The following STK32C variants were observed in gnomAD, a reference collection of about 807,000 sequenced individuals.
The protein encoded by STK32C is serine/threonine kinase 32C, also known as serine/threonine-protein kinase 32C.
Under a neutral mutation model 56.5 loss-of-function variants are expected in STK32C, and 31 were observed. The ratio of observed to expected loss-of-function variants is 0.55; its 90% CI spans 0.41 to 0.74. The LOEUF (loss-of-function observed/expected upper bound fraction) is 0.74, where lower values mean the gene tolerates loss of function less well. STK32C is among the 30% of genes least tolerant of loss of function. The probability of loss-of-function intolerance (pLI) is 0.00; values close to 1 mark genes in which losing one functional copy is unlikely to be tolerated. For synonymous variants in STK32C, 309 were observed against 289.4 expected, an observed-to-expected ratio of 1.07 and a Z score of -0.69; for missense variants, 544 against 676.9, an observed-to-expected ratio of 0.80 and a Z score of 2.18.
rs544693422 is a variant in STK32C at position 132,285,987 on chromosome 10, T to G, written c.262+21585A>C. Among the ~76,000 whole-genome samples the G allele has an allele frequency of 1.1e-3, 160 of 152,020 alleles. 7 individuals carry two copies. In the South Asian group the frequency reaches 0.032, roughly 31 times the overall value. ...AAAAAGCACAAAAAATCAGCCAGGC[T>G]TGGTGGCGGGCGCCTGTCATCCCAG... On this transcript the variant is annotated intron_variant, in intron 1 of 11. Coordinates refer to ENST00000298630, the MANE Select transcript of STK32C (RefSeq NM_173575.4).
rs1048381184 is a variant in STK32C, at chr10:132,278,528, G to A, written c.262+29044C>T. ...TGTAATCCCAGCACTTTGAGAGGCT[G>A]AGGCGGGTGGATCACGAAGTCAGGA... On this transcript the variant is annotated intron_variant, in intron 1 of 11. Coordinates refer to ENST00000298630, the MANE Select transcript of STK32C (RefSeq NM_173575.4). Among the ~76,000 whole-genome samples, 224 of 152,194 alleles carry A rather than the reference G, an allele frequency of 1.5e-3. 5 individuals carry two copies. Among genetic ancestry groups the A allele is most frequent in the Admixed American group, 6.5e-4 (10 of 15,284 alleles).
chr10:132,294,997 C>T (rs370718538), intron 1 of STK32C, among the ~76,000 whole-genome samples: 59 of 152,290 alleles, frequency 3.9e-4, no homozygotes, highest in African/African-American at 1.4e-3. Flanking sequence ...CAGATGTCAG[C>T]GGCCTCTGCC....
intron 1 of STK32C, among the ~76,000 whole-genome samples, chr10:132,260,220 G>GGCCTCA (rs1393199409): frequency 1.3e-5 from 2 of 152,196 alleles, no homozygotes; most frequent in African/African-American, 4.8e-5. Flanking sequence ...GGACAGCAAT[G>GGCCTCA]GCCTCAGCCT....
At chr10:132,263,407 A>G (rs573050414) in intron 1 of STK32C, among the ~76,000 whole-genome samples, 2 of 152,254 alleles carry the variant, frequency 1.3e-5, no homozygotes, top group Admixed American at 1.3e-4. Context: ...CGTGGACATA[A>G]AGACAGGAAC....
At chr10:132,277,585 C>T (rs1442651086) in intron 1 of STK32C, among the ~76,000 whole-genome samples, 2 of 152,204 alleles carry the variant, frequency 1.3e-5, no homozygotes, top group African/African-American at 2.4e-5. Flanking sequence ...TGCAGGGAAT[C>T]GGCAAGGAGT....
At chr10:132,293,934 C>G (rs151011957) in intron 1 of STK32C, among the ~76,000 whole-genome samples, 1 of 152,114 alleles carries the variant, frequency 6.6e-6, no homozygotes, top group Non-Finnish European at 1.5e-5. Flanking sequence ...GTCACAGGCA[C>G]GAGGGAAGGG....
chr10:132,277,772 C>T (rs1469925397), intron 1 of STK32C, among the ~76,000 whole-genome samples: 1 of 152,188 alleles, frequency 6.6e-6, no homozygotes, highest in Non-Finnish European at 1.5e-5. Flanking sequence ...TGCACACACA[C>T]ATGCACACAT....
chr10:132,291,833 C>T (rs968426222), intron 1 of STK32C, among the ~76,000 whole-genome samples: 10 of 151,678 alleles, frequency 6.6e-5, no homozygotes, highest in South Asian at 2.1e-4. Flanking sequence ...GACCACATGG[C>T]CTCCATGTCC....
intron 1 of STK32C, among the ~76,000 whole-genome samples, chr10:132,325,565 G>C (rs1344033486): frequency 2.1e-5 from 3 of 145,856 alleles, no homozygotes; most frequent in East Asian, 4.3e-4. Flanking sequence ...AAAAAAAAAA[G>C]GGGGAGTTCC....
intron 2 of STK32C, among the ~76,000 whole-genome samples, chr10:132,239,176 T>C (rs937700183): frequency 6.6e-6 from 1 of 152,190 alleles, no homozygotes; most frequent in African/African-American, 2.4e-5. Context: ...GGGTATTTTA[T>C]AGATGGTGTG....
chr10:132,236,930 T>A (rs965103652), intron 2 of STK32C, among the ~76,000 whole-genome samples: 9 of 152,186 alleles, frequency 5.9e-5, no homozygotes, highest in Admixed American at 2.0e-4. Flanking sequence ...GCACCAGGCC[T>A]GCCACGCGCC....
chr10:132,221,089 G>A (rs939964776), intron 10 of STK32C, among the ~76,000 whole-genome samples: 4 of 152,220 alleles, frequency 2.6e-5, no homozygotes, highest in African/African-American at 9.6e-5. Flanking sequence ...TGTCCTGGCA[G>A]CCCCAGAATA....
chr10:132,263,332 T>C (rs2064369273), intron 1 of STK32C, among the ~76,000 whole-genome samples: 2 of 152,242 alleles, frequency 1.3e-5, no homozygotes, highest in South Asian at 4.1e-4. Context: ...AGCGACTTAA[T>C]GCAGGAACAG....
Position 132,212,383 on chromosome 10 carries a change from G to A in STK32C, c.1252-3282C>T, listed in dbSNP as rs115013254. Among the ~76,000 whole-genome samples the A allele has an allele frequency of 1.5e-3, 230 of 152,306 alleles. 1 individual carries two copies. Among genetic ancestry groups the A allele is most frequent in the African/African-American group, 5.3e-3 (221 of 41,560 alleles). On this transcript the variant is annotated intron_variant, in intron 10 of 11. Coordinates refer to ENST00000298630, the MANE Select transcript of STK32C (RefSeq NM_173575.4). ...AGATATCCACCGATGAGAGAATGAA[G>A]CTGGACCCTCACCTGACATTGTTCA...
In STK32C at chr10:132,246,894, G is replaced by A. The variant is rs2063714296; in HGVS notation, c.263-939C>T. On this transcript the variant is annotated intron_variant, in intron 1 of 11. Coordinates refer to ENST00000298630, the MANE Select transcript of STK32C (RefSeq NM_173575.4). The stretch of plus-strand genomic sequence containing the variant: ...CCCAATTCTGCACCCCTAAGTCCGT[G>A]TCCCCAGGTCTGCACCCCTCAGTGT... Among the ~76,000 whole-genome samples the A allele has an allele frequency of 2.6e-5, 4 of 152,298 alleles. No homozygotes were observed. The East Asian group carries it at 5.8e-4, about 22-fold the overall frequency.
chr10:132,301,055 C>A (rs920018349), intron 1 of STK32C, among the ~76,000 whole-genome samples: 1 of 152,046 alleles, frequency 6.6e-6, no homozygotes, highest in Non-Finnish European at 1.5e-5. Context: ...CCAGATTCAG[C>A]TCTGAGCTTC....
intron 10 of STK32C, among the ~76,000 whole-genome samples, chr10:132,216,481 AAGAG>A (rs998104935): frequency 6.6e-6 from 1 of 151,648 alleles, no homozygotes; most frequent in African/African-American, 2.4e-5. Context: ...AAAAAAAAAA[AAGAG>A]AGAAAAAAAA....
intron 1 of STK32C, among the ~76,000 whole-genome samples, chr10:132,278,685 G>A (rs1036714610): frequency 2.6e-5 from 4 of 151,424 alleles, no homozygotes; most frequent in Non-Finnish European, 5.9e-5. Context: ...GCATGAACCC[G>A]GGAGGCGGAG....
At chr10:132,208,715 A>G (rs2062186315) in intron 11 of STK32C, among the ~76,000 whole-genome samples, 1 of 152,026 alleles carries the variant, frequency 6.6e-6, no homozygotes, top group South Asian at 2.1e-4. Flanking sequence ...CTGCTGAGAG[A>G]CTGAGGGCGT....
Sources: gnomAD v4.1 joint callset for allele counts (sites outside exome capture counted in the v4.1 genomes callset) on GRCh38, gnomAD v4.1.1 for gene constraint, MANE v1.5 for transcripts, NCBI Gene and HGNC (gene_info 2026-07-23, HGNC 2026-07-21) for gene names.